The following ZC3H13 variants were observed in gnomAD, a reference collection of about 807,000 sequenced individuals.
ZC3H13 encodes the protein zinc finger CCCH-type containing 13.
ZC3H13 carries 64 observed loss-of-function variants against 204.1 expected under a neutral mutation model. The observed-to-expected ratio is 0.31, with a 90% CI of 0.26 to 0.39. The LOEUF is 0.39. Among genes scored for constraint, ZC3H13 ranks in the 10% least tolerant of loss-of-function variants. ZC3H13 has a pLI of 1.00. For synonymous variants in ZC3H13, 667 were observed against 693.7 expected (o/e 0.96, Z 0.60); for missense variants, 1,833 against 2,082.7 (o/e 0.88, Z 2.33).
intron 17 of ZC3H13, chr13:45,962,570 G>A (rs903581749): frequency 2.0e-6 from 2 of 984,872 alleles, no homozygotes; most frequent in South Asian, 9.4e-5. Context: ...GTCATTTTTC[G>A]GTTAATACAC....
Position 45,968,161 on chromosome 13 carries a change from G to A in ZC3H13, c.3797-133C>T, listed in dbSNP as rs1228758512. 22 of 790,186 alleles carry A rather than the reference G, an allele frequency of 2.8e-5. No individual in the cohort carries two copies. The East Asian group carries it at 4.7e-4, about 17-fold the overall frequency. The allele number at this position is 790,186 out of a possible 1,614,324, so 48.9% of individuals were successfully genotyped here. On this transcript the variant is annotated intron_variant, in intron 14 of 18. Transcript: ENST00000679008. ...TATGTAACTTTCTATGTTCCATATT[G>A]TCTCTATATGTTCTATATATTTCTA...
Position 45,967,526 on chromosome 13 carries a change from G to T in ZC3H13, c.4299C>A (p.Ser1433=). 6.4e-7 allele frequency: 1 copy of T among 1,562,012 alleles called. No individual in the cohort carries two copies. The highest frequency in any genetic ancestry group is 1.2e-5 in the South Asian group (1 of 81,230). ...SVQGFEETNK[S]ERTESLEAGD... ...CACCTTCCAGACTCTCAGTTCTCTC[G>T]GATTTATTTGTTTCTTCAAATCCCT... Residue 1433 remains serine, a synonymous_variant, in exon 15 of 19, where the codon TCC becomes TCA. Transcript: ENST00000679008.
At chr13:46,044,920 A>C (rs1382166898) in intron 3 of ZC3H13, 35 bp downstream of exon 3, 1 of 1,469,342 alleles carries the variant, frequency 6.8e-7, no homozygotes, top group East Asian at 2.4e-5. Flanking sequence ...GCCATCTTCT[A>C]ATAGTACATG....
At position 45,959,892 on chromosome 13, in the gene ZC3H13, A is replaced by C. The variant is rs1951549726; in HGVS notation, c.4676-246T>G. ...TTTACTTAAAATATAAGAAAAGCAGACTGTATGTGGATCTCAAGGTAGAGC... is the reference window on the plus strand; with the variant it reads ...TTTACTTAAAATATAAGAAAAGCAGCCTGTATGTGGATCTCAAGGTAGAGC... On this transcript the variant is annotated intron_variant, in intron 17 of 18. Coordinates refer to ENST00000679008, the MANE Select transcript of ZC3H13 (RefSeq NM_001330564.2). Among the ~76,000 whole-genome samples, 3 of 152,050 alleles carry C rather than the reference A, an allele frequency of 2.0e-5. No individual in the cohort carries two copies. The South Asian group carries it at 6.3e-4, about 32-fold the overall frequency.
intron 8 of ZC3H13, among the ~76,000 whole-genome samples, chr13:45,999,559 T>G (rs919584108): frequency 2.6e-5 from 4 of 152,262 alleles, no homozygotes; most frequent in Non-Finnish European, 5.9e-5. Context: ...CTACTTTTAA[T>G]TCTAGTTCTC....
chr13:46,048,100 A>G (rs1056784149), intron 1 of ZC3H13, among the ~76,000 whole-genome samples: 1 of 152,168 alleles, frequency 6.6e-6, no homozygotes, highest in Non-Finnish European at 1.5e-5. Context: ...CGTACTTATT[A>G]TACTTAAAAC....
intron 16 of ZC3H13, 84 bp from the exon 17 acceptor site, chr13:45,964,126 G>A (rs914656218): frequency 1.5e-6 from 2 of 1,310,290 alleles, no homozygotes; most frequent in Middle Eastern, 2.0e-4. Context: ...ATAAATCAAG[G>A]AGAAAACAGA....
intron 17 of ZC3H13, among the ~76,000 whole-genome samples, chr13:45,961,987 T>C (rs1205799635): frequency 6.6e-6 from 1 of 152,180 alleles, no homozygotes; most frequent in Non-Finnish European, 1.5e-5. Flanking sequence ...TAAGCTTTAG[T>C]TGTTTCTTTT....
chr13:45,957,103 A>G lies in ZC3H13; in HGVS notation c.*24T>C. On this transcript the variant is annotated 3_prime_UTR_variant, in exon 19 of 19. Transcript: ENST00000679008. ...GCACTGCTGAAGGAAGACAGTACCA[A>G]AAATACCATATTGAACTTCGGTCTT... 1 of 1,439,604 alleles carries G rather than the reference A, an allele frequency of 6.9e-7. No individual in the cohort carries two copies. The highest frequency in any genetic ancestry group is 1.4e-5 in the African/African-American group (1 of 70,098). The allele number at this position is 1,439,604 out of a possible 1,614,324, so 89.2% of individuals were successfully genotyped here.
At chr13:46,035,127 G>A (rs1454270536) in intron 4 of ZC3H13, among the ~76,000 whole-genome samples, 1 of 152,138 alleles carries the variant, frequency 6.6e-6, no homozygotes, top group African/African-American at 2.4e-5. Context: ...ACTAACCCTT[G>A]GAATTCAGTT....
rs184621168 is a variant in ZC3H13 at position 46,039,238 on chromosome 13, T to C, written c.339+2926A>G. ...TTTCTTAACAAAATGCCAACTTTAC[T>C]GTACTAACTTTATTTGATGAACATA... is the stretch of plus-strand genomic sequence containing the variant. On this transcript the variant is annotated intron_variant, in intron 4 of 18. Transcript: ENST00000679008. 1.7e-4 allele frequency among the ~76,000 whole-genome samples: 26 copies of C among 152,324 alleles called. 1 individual carries two copies. The East Asian group carries it at 2.5e-3, about 15-fold the overall frequency.
chr13:45,973,585 G>GA (rs1952767624), intron 12 of ZC3H13, among the ~76,000 whole-genome samples: 2 of 152,112 alleles, frequency 1.3e-5, no homozygotes, highest in African/African-American at 4.8e-5. Flanking sequence ...AATCTGAAAT[G>GA]TTCCAATGAG....
At chr13:46,005,760 A>C (rs1029091968) in intron 7 of ZC3H13, among the ~76,000 whole-genome samples, 1 of 152,078 alleles carries the variant, frequency 6.6e-6, no homozygotes, top group African/African-American at 2.4e-5. Flanking sequence ...CATCTGTCCT[A>C]TTCTATGATT....
intron 3 of ZC3H13, among the ~76,000 whole-genome samples, chr13:46,043,188 T>A (rs1042208085): frequency 1.3e-5 from 2 of 151,924 alleles, no homozygotes; most frequent in African/African-American, 2.4e-5. Flanking sequence ...AAAAAAGATA[T>A]AAACAAATCA....
At chr13:45,991,541 G>C (rs912441183) in intron 8 of ZC3H13, among the ~76,000 whole-genome samples, 2 of 152,186 alleles carry the variant, frequency 1.3e-5, no homozygotes, top group African/African-American at 4.8e-5. Flanking sequence ...TTTGGCTATA[G>C]ACTATTACAG....
intron 10 of ZC3H13, among the ~76,000 whole-genome samples, chr13:45,982,512 AAAAT>A (rs1331162080): frequency 6.6e-6 from 1 of 152,228 alleles, no homozygotes; most frequent in Admixed American, 6.5e-5. Context: ...CATTTAAAAA[AAAAT>A]TAAGCCTGAA....
chr13:46,000,282 A>G (rs531625277), intron 8 of ZC3H13, among the ~76,000 whole-genome samples: 74 of 152,284 alleles, frequency 4.9e-4, no homozygotes, highest in African/African-American at 1.6e-3. Context: ...TCTTCTTCCA[A>G]TAAGGCTGTA....
intron 12 of ZC3H13, among the ~76,000 whole-genome samples, chr13:45,972,891 T>A (rs934657962): frequency 6.6e-6 from 1 of 152,214 alleles, no homozygotes; most frequent in African/African-American, 2.4e-5. Context: ...AAGCAGAGTT[T>A]AGACTACTGA....
rs766695500 is a variant in ZC3H13, at chr13:46,003,228, T to C, written c.855A>G (p.Lys285=). 4 of 1,613,272 alleles carry C rather than the reference T, an allele frequency of 2.5e-6. No homozygotes were observed. Among genetic ancestry groups the C allele is most frequent in the African/African-American group, 1.3e-5 (1 of 74,864 alleles). Reference sequence around the variant, plus strand: ...TTTTTTCTTCTATCCTGTCTTTTACTTTATATTTTTCTTTGTATTTTTTCC... The same window carrying C: ...TTTTTTCTTCTATCCTGTCTTTTACCTTATATTTTTCTTTGTATTTTTTCC... The part of the protein sequence containing the change: ...ALGKKYKEKY[K]VKDRIEEKTR... The change falls in exon 8 of 19, where the codon AAA becomes AAG. Residue 285 remains lysine, a synonymous_variant. Transcript: ENST00000679008.
Sources: gnomAD v4.1 joint callset for allele counts (sites outside exome capture counted in the v4.1 genomes callset) on GRCh38, gnomAD v4.1.1 for gene constraint, MANE v1.5 for transcripts, NCBI Gene and HGNC (gene_info 2026-07-23, HGNC 2026-07-21) for gene names.